Variants in PDZRN3 observed in about 807,000 individuals in gnomAD.
PDZRN3 encodes the protein PDZ domain containing ring finger 3.
In PDZRN3, 38 loss-of-function variants were observed where a neutral mutation model predicts 85.7. The ratio of observed to expected loss-of-function variants is 0.44; its 90% confidence interval spans 0.34 to 0.58. PDZRN3 has a LOEUF of 0.58. Ranked by LOEUF, PDZRN3 falls within the 20% of genes least tolerant of loss-of-function variation. PDZRN3 has a pLI of 0.01. For missense variants in PDZRN3, 1,629 were observed against 1,506.4 expected (o/e 1.08, Z -1.35); for synonymous variants, 759 against 638.0 (o/e 1.19, Z -2.86).
intron 3 of PDZRN3, chr3:73,433,881 C>T (rs986061376): frequency 1.4e-6 from 2 of 1,432,480 alleles, no homozygotes; most frequent in Non-Finnish European, 1.8e-6. Context: ...CTCCCCCCTT[C>T]CACGCTTCCC....
intron 3 of PDZRN3, among the ~76,000 whole-genome samples, chr3:73,426,815 T>C (rs1201134381): frequency 6.6e-6 from 1 of 152,116 alleles, no homozygotes; most frequent in Admixed American, 6.6e-5. Context: ...AGTGCATTTC[T>C]AACAAACACG....
In PDZRN3 at chr3:73,382,656, T is replaced by C. The variant is rs192189255; in HGVS notation, c.*709A>G. On this transcript the variant is annotated 3_prime_UTR_variant, in exon 10 of 10. Transcript: ENST00000263666. ...CACAAACCGTCTCCATCCACAACTT[T>C]CCTGTACATGCAAATTCTTTCAATG... The C allele has an allele frequency of 9.8e-5, 15 of 152,806 alleles. No homozygotes were observed. The East Asian group carries it at 2.5e-3, about 26-fold the overall frequency. 9.5% of individuals were successfully genotyped at this position (152,806 alleles called of 1,614,324 possible).
intron 2 of PDZRN3, among the ~76,000 whole-genome samples, chr3:73,605,752 G>A (rs1702591124): frequency 6.6e-6 from 1 of 152,178 alleles, no homozygotes; most frequent in South Asian, 2.1e-4. Context: ...GTTTCATGAT[G>A]CTATTTCTGC....
At chr3:73,516,397 A>G (rs1704256355) in intron 3 of PDZRN3, among the ~76,000 whole-genome samples, 1 of 152,238 alleles carries the variant, frequency 6.6e-6, no homozygotes, top group African/African-American at 2.4e-5. Flanking sequence ...TCCAACTGTT[A>G]CATCTCTGCC....
chr3:73,454,122 A>G (rs1432967009), intron 3 of PDZRN3, among the ~76,000 whole-genome samples: 2 of 152,228 alleles, frequency 1.3e-5, no homozygotes, highest in Non-Finnish European at 2.9e-5. Flanking sequence ...GACCAGCTTA[A>G]AAACAAACAT....
intron 3 of PDZRN3, among the ~76,000 whole-genome samples, chr3:73,486,538 A>G (rs1703665301): frequency 1.3e-5 from 2 of 152,254 alleles, no homozygotes; most frequent in South Asian, 4.1e-4. Flanking sequence ...GAAAAGGTTA[A>G]GAAATAGAAG....
chr3:73,448,387 C>A (rs1043488579), intron 3 of PDZRN3, among the ~76,000 whole-genome samples: 1 of 152,158 alleles, frequency 6.6e-6, no homozygotes, highest in Non-Finnish European at 1.5e-5. Flanking sequence ...TTCTTTTTTA[C>A]ATTTTCACTT....
At chr3:73,388,981 C>G (rs952670824) in intron 7 of PDZRN3, among the ~76,000 whole-genome samples, 1 of 147,210 alleles carries the variant, frequency 6.8e-6, no homozygotes. Flanking sequence ...AGGACCCTGA[C>G]CCTTCAGGTG....
rs1703323424 is a variant in PDZRN3, at chr3:73,383,841, G to A, written c.2725C>T (p.Leu909=). 1 of 1,613,876 alleles carries A rather than the reference G, an allele frequency of 6.2e-7. No individual in the cohort carries two copies. Among genetic ancestry groups the A allele is most frequent in the East Asian group, 2.2e-5 (1 of 44,852 alleles). The change falls in exon 10 of 10, where the codon CTG becomes TTG. Residue 909 remains leucine (L), a synonymous_variant. Transcript: ENST00000263666. The part of the protein sequence containing the change: ...QMSLVSMCKD[L]SSPTPSEPRM... ...GGCTCCGACGGGGTGGGAGAGCTCA[G>A]GTCCTTGCACATGCTCACCAGGCTC...
intron 3 of PDZRN3, among the ~76,000 whole-genome samples, chr3:73,502,225 CAAGTA>C (rs1559711852): frequency 6.6e-6 from 1 of 152,060 alleles, no homozygotes; most frequent in Non-Finnish European, 1.5e-5. Flanking sequence ...GATGGAGAAT[CAAGTA>C]AAGGGTCACA....
intron 5 of PDZRN3, among the ~76,000 whole-genome samples, chr3:73,396,906 C>CT (rs11402775): frequency 0.74 from 112,520 of 152,138 alleles, 42,024 homozygotes; most frequent in East Asian, 0.86. Context: ...CTAGGGTACA[C>CT]TGGGTGTAAT....
intron 3 of PDZRN3, among the ~76,000 whole-genome samples, chr3:73,491,287 A>G (rs1016992564): frequency 6.6e-6 from 1 of 152,148 alleles, no homozygotes; most frequent in Non-Finnish European, 1.5e-5. Flanking sequence ...TCAATGGTTC[A>G]CCAGGGGCCC....
intron 3 of PDZRN3, among the ~76,000 whole-genome samples, chr3:73,473,667 T>C (rs553931489): frequency 2.6e-5 from 4 of 152,202 alleles, no homozygotes; most frequent in Non-Finnish European, 5.9e-5. Context: ...TTTCCTTATA[T>C]GATATATGAA....
intron 3 of PDZRN3, among the ~76,000 whole-genome samples, chr3:73,546,384 A>C (rs1471735141): frequency 6.6e-6 from 1 of 152,234 alleles, no homozygotes; most frequent in Non-Finnish European, 1.5e-5. Flanking sequence ...TCTATAAGGG[A>C]AATTTCAAAG....
intron 3 of PDZRN3, among the ~76,000 whole-genome samples, chr3:73,435,515 T>G (rs1702514897): frequency 1.3e-5 from 2 of 152,196 alleles, no homozygotes; most frequent in African/African-American, 4.8e-5. Flanking sequence ...CTTGCAGAGT[T>G]TTGTTGCAAT....
rs559464493 is a variant in PDZRN3, at chr3:73,609,168, A to G, written c.724-484T>C. ...CATCTCTGTTTGGGAGACTTGGGGAAAAATAGTGCATGAAAAGTGAGATGC... is the reference window on the plus strand; with the variant it reads ...CATCTCTGTTTGGGAGACTTGGGGAGAAATAGTGCATGAAAAGTGAGATGC... On this transcript the variant is annotated intron_variant, in intron 1 of 9. Coordinates refer to ENST00000263666, the MANE Select transcript of PDZRN3 (RefSeq NM_015009.3). Among the ~76,000 whole-genome samples, 8 of 152,266 alleles carry G rather than the reference A, an allele frequency of 5.3e-5. No homozygotes were observed. The East Asian group carries it at 1.2e-3, about 22-fold the overall frequency.
At chr3:73,518,994 T>C (rs1232012317) in intron 3 of PDZRN3, among the ~76,000 whole-genome samples, 1 of 152,162 alleles carries the variant, frequency 6.6e-6, no homozygotes, top group Non-Finnish European at 1.5e-5. Context: ...AATTGCAAAG[T>C]GGGTGCAGAG....
intron 3 of PDZRN3, among the ~76,000 whole-genome samples, chr3:73,560,334 G>A (rs1701790388): frequency 6.6e-6 from 1 of 152,174 alleles, no homozygotes; most frequent in Non-Finnish European, 1.5e-5. Flanking sequence ...ACAGAGGCCA[G>A]GAAAGAGAGA....
At chr3:73,552,192 G>T (rs1481302254) in intron 3 of PDZRN3, among the ~76,000 whole-genome samples, 3 of 151,466 alleles carry the variant, frequency 2.0e-5, no homozygotes, top group African/African-American at 7.3e-5. Flanking sequence ...CCACCTAAAT[G>T]TTGCCTCTTA....
Sources: allele counts gnomAD v4.1 joint callset (sites outside exome capture counted in the v4.1 genomes callset), GRCh38; gene constraint gnomAD v4.1.1; transcripts MANE v1.5; gene names NCBI Gene and HGNC (gene_info 2026-07-23, HGNC 2026-07-21).